LCP2: variants seen among roughly 807,000 people sequenced by gnomAD.
LCP2 encodes the protein 76 kDa tyrosine phosphoprotein.
A neutral mutation model predicts 74.5 loss-of-function variants in LCP2; 29 were observed. The ratio of observed to expected loss-of-function variants is 0.39; its 90% CI spans 0.29 to 0.53. The LOEUF (loss-of-function observed/expected upper bound fraction) is 0.53. Among genes scored for constraint, LCP2 ranks in the 20% least tolerant of loss-of-function variants. The pLI is 0.72. For synonymous variants in LCP2, 228 were observed against 229.5 expected (o/e 0.99, Z 0.06); for missense variants, 604 against 634.6 (o/e 0.95, Z 0.52).
intron 2 of LCP2, among the ~76,000 whole-genome samples, chr5:170,288,872 G>A (rs528114455): frequency 1.3e-5 from 2 of 152,200 alleles, no homozygotes; most frequent in Admixed American, 6.5e-5. Flanking sequence ...AAGGTGAAAG[G>A]AGGCATCTGG....
At chr5:170,252,367 G>T (rs934574071) in intron 19 of LCP2, 67 bp downstream of exon 19, 16 of 898,216 alleles carry the variant, frequency 1.8e-5, no homozygotes, top group Non-Finnish European at 2.7e-5. Flanking sequence ...TGGTACTCAG[G>T]ACAGGTCAGT....
intron 2 of LCP2, among the ~76,000 whole-genome samples, chr5:170,290,108 A>G (rs755500033): frequency 6.6e-6 from 1 of 152,164 alleles, no homozygotes; most frequent in Non-Finnish European, 1.5e-5. Flanking sequence ...GAGTTTTGCT[A>G]TGTGATGTAA....
At position 170,279,759 on chromosome 5, in the gene LCP2, CT is replaced by C. The variant is rs113238416; in HGVS notation, c.189-3900del. 8.7e-3 allele frequency among the ~76,000 whole-genome samples: 1,332 copies of C among 152,278 alleles called. 30 individuals are homozygous for C. Among genetic ancestry groups the C allele is most frequent in the African/African-American group, 0.03 (1,243 of 41,538 alleles). On this transcript the variant is annotated intron_variant, in intron 3 of 20. Coordinates refer to ENST00000046794, the MANE Select transcript of LCP2 (RefSeq NM_005565.5). ...GGAGAAGGAAAGGCAGGAGAAGGAA[CT>C]TTGTGATTATGAAGGGAGTGAAACA... is the stretch of plus-strand genomic sequence containing the variant.
rs749117214 is a variant in LCP2 at position 170,258,846 on chromosome 5, G to C, written c.970+20C>G. The C allele has an allele frequency of 1.8e-5, 29 of 1,570,592 alleles. No individual in the cohort carries two copies. Among genetic ancestry groups the C allele is most frequent in the Non-Finnish European group, 2.4e-5 (28 of 1,148,004 alleles). ...TGAAAGAATGAGTTATAGGCTGTAA[G>C]AATGTGTTTCCGAACATACCATCAT... On this transcript the variant is annotated intron_variant, in intron 15 of 20. Transcript: ENST00000046794.
intron 10 of LCP2, among the ~76,000 whole-genome samples, chr5:170,265,566 T>C (rs1581063173): frequency 6.6e-6 from 1 of 152,306 alleles, no homozygotes; most frequent in East Asian, 1.9e-4. Flanking sequence ...GTGAGCAGGG[T>C]TGGAATCTGA....
chr5:170,246,304 C>A lies in LCP2; in HGVS notation c.*2393G>T. The A allele has an allele frequency of 2.1e-6, 1 of 474,494 alleles. No individual in the cohort carries two copies. The highest frequency in any genetic ancestry group is 3.6e-6 in the Non-Finnish European group (1 of 274,860). The allele number at this position is 474,494 out of a possible 1,614,324, so 29.4% of individuals were successfully genotyped here. A position where few individuals can be genotyped will look rare whatever the true frequency, so the allele number is the denominator to read the frequency against. On this transcript the variant is annotated 3_prime_UTR_variant, in exon 21 of 21. Transcript: ENST00000046794. ...TACGTCACTAATGGCAAGTGTATGA[C>A]ATAGGAAATTGGCCATGGGTCACTG...
At position 170,268,393 on chromosome 5, in the gene LCP2, T is replaced by A; in HGVS notation, c.613A>T (p.Asn205Tyr). Residue 205 changes from asparagine to tyrosine, a missense_variant, in exon 8 of 21, where the codon AAT becomes TAT. Physicochemically the swap from Asn to Tyr is moderately radical, Grantham distance 143. Coordinates refer to ENST00000046794, the MANE Select transcript of LCP2 (RefSeq NM_005565.5). ...AALPPPPAGR[N>Y]HSPLPPPQTN... ...AACGGGAGGAGGCCTACCGAGTGAT[T>A]CCGGCCGGCTGGTGGGGGCGGGAGG... is the stretch of plus-strand genomic sequence containing the variant. 4 of 626,018 alleles carry A rather than the reference T, an allele frequency of 6.4e-6. No individual in the cohort carries two copies. The highest frequency in any genetic ancestry group is 8.3e-6 in the Non-Finnish European group (4 of 484,698). The allele number at this position is 626,018 out of a possible 1,614,324, so 38.8% of individuals were successfully genotyped here. A position where few individuals can be genotyped will look rare whatever the true frequency, so the allele number is the denominator to read the frequency against.
intron 19 of LCP2, 155 bp downstream of exon 19, chr5:170,252,279 A>G (rs1761461443): frequency 2.2e-6 from 1 of 454,658 alleles, no homozygotes; most frequent in Non-Finnish European, 4.0e-6. Flanking sequence ...GGGTGCTGGT[A>G]GTTGTGAAGC....
At chr5:170,285,225 G>A (rs2113205557) in intron 3 of LCP2, among the ~76,000 whole-genome samples, 1 of 152,208 alleles carries the variant, frequency 6.6e-6, no homozygotes, top group Non-Finnish European at 1.5e-5. Flanking sequence ...TACATTTCTA[G>A]AAGTTCTGTT....
chr5:170,292,840 A>G (rs1762313503), intron 2 of LCP2, among the ~76,000 whole-genome samples: 1 of 152,240 alleles, frequency 6.6e-6, no homozygotes. Context: ...TTGAAGTATA[A>G]TACAGTGGAG....
intron 19 of LCP2, 30 bp from the exon 20 acceptor site, chr5:170,250,915 A>G: frequency 6.3e-7 from 1 of 1,595,660 alleles, no homozygotes; most frequent in Non-Finnish European, 8.6e-7. Flanking sequence ...TTATTATGGG[A>G]GCAGTAAAAG....
At position 170,247,487 on chromosome 5, in the gene LCP2, CA is replaced by C. The variant is rs1761325289; in HGVS notation, c.*1209del. On this transcript the variant is annotated 3_prime_UTR_variant, in exon 21 of 21. Transcript: ENST00000046794. ...AAACTTGTAGATTAAGCAGAGACGC[CA>C]AAAATTGTTGCTAATAAAAGTTGTG... 1 of 152,126 alleles carries C rather than the reference CA, an allele frequency of 6.6e-6. No homozygotes were observed. The highest frequency in any genetic ancestry group is 2.4e-5 in the African/African-American group (1 of 41,416). The allele number at this position is 152,126 out of a possible 1,614,324, so 9.4% of individuals were successfully genotyped here.
chr5:170,253,333 T>C, intron 17 of LCP2, 120 bp from the exon 18 acceptor site: 4 of 568,022 alleles, frequency 7.0e-6, no homozygotes, highest in Middle Eastern at 3.1e-4. Context: ...GGTCCTATAG[T>C]TCGCATTTTA....
At position 170,266,886 on chromosome 5, in the gene LCP2, C is replaced by T. The variant is rs749956452; in HGVS notation, c.694G>A (p.Ala232Thr). The T allele has an allele frequency of 6.2e-7, 1 of 1,613,692 alleles. No individual in the cohort carries two copies. The highest frequency in any genetic ancestry group is 1.1e-5 in the South Asian group (1 of 91,074). The change falls in exon 10 of 21, where the codon GCT becomes ACT. Residue 232 changes from alanine to threonine, a missense_variant. Physicochemically the swap from Ala to Thr is moderately conservative, Grantham distance 58 (BLOSUM62 0). Coordinates refer to ENST00000046794, the MANE Select transcript of LCP2 (RefSeq NM_005565.5). ...TTCGTGCTTCTGTCTATTGAAGGAG[C>T]AGGGACTGGAAGGGGAAAAGGCTGA... The part of the protein sequence containing the change: ...SRNHKTAKLP[A>T]PSIDRSTKPP...
chr5:170,292,099 A>G lies in LCP2; in HGVS notation c.141+1211T>C, dbSNP rs1762303871. Among the ~76,000 whole-genome samples the G allele has an allele frequency of 2.0e-5, 3 of 152,194 alleles. No individual in the cohort carries two copies. The South Asian group carries it at 6.2e-4, about 31-fold the overall frequency. ...TTTCTGAACATACCTTTCTGCTATA[A>G]AACAAGTTTCTAGAAGGCAGAAATC... is the stretch of plus-strand genomic sequence containing the variant. On this transcript the variant is annotated intron_variant, in intron 2 of 20. Coordinates refer to ENST00000046794, the MANE Select transcript of LCP2 (RefSeq NM_005565.5).
rs377124973 is a variant in LCP2 at position 170,262,665 on chromosome 5, G to A, written c.896C>T (p.Pro299Leu). ...CACAGGTGGCTTCTTCCCTGGCAGG[G>A]GGCTGCTCCTTTCATGTCTTTCCGT... ...PTTERHERSS[P>L]LPGKKPPVPK... The change falls in exon 13 of 21, where the codon CCC becomes CTC. Residue 299 changes from proline (P) to leucine (L), a missense_variant. By Grantham distance (98) the Pro-to-Leu change is moderately conservative. Transcript: ENST00000046794. 4.2e-5 allele frequency: 67 copies of A among 1,613,804 alleles called. No homozygotes were observed. Among genetic ancestry groups the A allele is most frequent in the Non-Finnish European group, 5.2e-5 (61 of 1,179,846 alleles).
Position 170,250,826 on chromosome 5 carries a change from G to A in LCP2, c.1383C>T (p.Leu461=). ...SKKTTTNPYV[L]MVLYKDKVYN... ...AAACTTTATCTTTGTACAACACCAT[G>A]AGGACATATGGATTGGTTGTTGTTT... is the stretch of plus-strand genomic sequence containing the variant. The change falls in exon 20 of 21, where the codon CTC becomes CTT. Residue 461 remains leucine (L), a synonymous_variant. Coordinates refer to ENST00000046794, the MANE Select transcript of LCP2 (RefSeq NM_005565.5). 6.2e-7 allele frequency: 1 copy of A among 1,612,250 alleles called. No individual in the cohort carries two copies. Among genetic ancestry groups the A allele is most frequent in the Non-Finnish European group, 8.5e-7 (1 of 1,178,296 alleles).
intron 18 of LCP2, chr5:170,252,714 ACTGGTTGC>A: frequency 5.6e-6 from 3 of 538,210 alleles, no homozygotes; most frequent in Middle Eastern, 5.1e-4. Context: ...TTATCATGAC[ACTGGTTGC>A]AAAAATGCCT....
intron 13 of LCP2, 76 bp downstream of exon 13, chr5:170,262,559 C>G: frequency 9.0e-7 from 1 of 1,107,434 alleles, no homozygotes; most frequent in South Asian, 1.4e-5. Context: ...CCTCGGTTCC[C>G]ACTGCAGAGT....
Sources: gnomAD v4.1 joint callset for allele counts (sites outside exome capture counted in the v4.1 genomes callset) on GRCh38, gnomAD v4.1.1 for gene constraint, MANE v1.5 for transcripts, NCBI Gene and HGNC (gene_info 2026-07-23, HGNC 2026-07-21) for gene names.